The following MEF2A variants were observed in gnomAD, a reference collection of about 807,000 sequenced individuals.
MEF2A encodes the protein myocyte enhancer factor 2A.
MEF2A carries 28 observed loss-of-function variants against 55.8 expected under a neutral mutation model. The ratio of observed to expected loss-of-function variants is 0.50; its 90% CI spans 0.37 to 0.69. The LOEUF (loss-of-function observed/expected upper bound fraction) is 0.69. MEF2A is among the 30% of genes least tolerant of loss of function. MEF2A has a pLI of 0.00. For synonymous variants in MEF2A, 239 were observed against 227.1 expected (o/e 1.05, Z -0.47); for missense variants, 528 against 626.2 (o/e 0.84, Z 1.67).
chr15:99,624,700 T>G (rs2041788437), intron 2 of MEF2A, among the ~76,000 whole-genome samples: 4 of 152,214 alleles, frequency 2.6e-5, no homozygotes, highest in Admixed American at 2.0e-4. Flanking sequence ...TTTCTATTTC[T>G]GCAAAAATAC....
chr15:99,714,258 T>C lies in MEF2A; in HGVS notation c.*1487T>C, dbSNP rs964679418. On this transcript the variant is annotated 3_prime_UTR_variant, in exon 12 of 12. Transcript: ENST00000557942. ...GATTTTGTAAGGCATTATTTAAAAC[T>C]TGCCTTTTGTGAGGAAAAAATGTAG... 2.0e-5 allele frequency: 3 copies of C among 152,218 alleles called. No individual in the cohort carries two copies. Among genetic ancestry groups the C allele is most frequent in the Non-Finnish European group, 4.4e-5 (3 of 68,038 alleles). 9.4% of individuals were successfully genotyped at this position (152,218 alleles called of 1,614,324 possible). A position where few individuals can be genotyped will look rare whatever the true frequency, so the allele number is the denominator to read the frequency against.
chr15:99,646,304 T>A (rs1374716314), intron 4 of MEF2A, among the ~76,000 whole-genome samples: 3 of 152,130 alleles, frequency 2.0e-5, no homozygotes, highest in African/African-American at 7.2e-5. Flanking sequence ...AGAAAAGGAT[T>A]TATTATTAGA....
intron 3 of MEF2A, among the ~76,000 whole-genome samples, chr15:99,636,543 C>T (rs369108399): frequency 3.3e-5 from 5 of 152,030 alleles, no homozygotes; most frequent in East Asian, 3.9e-4. Context: ...GATGGTGTCT[C>T]GCCTAGACTG....
chr15:99,573,109 A>T (rs192019962), intron 1 of MEF2A, among the ~76,000 whole-genome samples: 367 of 152,234 alleles, frequency 2.4e-3, no homozygotes, highest in Non-Finnish European at 2.4e-3. Context: ...TAACACAGTG[A>T]AACCCCATCT....
intron 4 of MEF2A, among the ~76,000 whole-genome samples, chr15:99,657,990 T>C (rs886948864): frequency 6.6e-6 from 1 of 152,154 alleles, no homozygotes; most frequent in Non-Finnish European, 1.5e-5. Context: ...AAAGTCACCT[T>C]ATTCTGTGTA....
At chr15:99,623,773 A>G (rs1204359739) in intron 2 of MEF2A, among the ~76,000 whole-genome samples, 1 of 146,414 alleles carries the variant, frequency 6.8e-6, no homozygotes, top group Non-Finnish European at 1.5e-5. Context: ...TATATTCTGG[A>G]TATTAATCTT....
In MEF2A at chr15:99,690,775, G is replaced by A. The variant is rs889743446; in HGVS notation, c.858+347G>A. ...ATTGGTCTTGTGGAGATAGAGAATAGAATGATAGCAGAGGCTGGGAAGGGT... is the reference window on the plus strand; with the variant it reads ...ATTGGTCTTGTGGAGATAGAGAATAAAATGATAGCAGAGGCTGGGAAGGGT... On this transcript the variant is annotated intron_variant, in intron 8 of 11. Transcript: ENST00000557942. 9.7e-6 allele frequency: 4 copies of A among 413,456 alleles called. No individual in the cohort carries two copies. In the Admixed American group the frequency reaches 1.2e-4, roughly 13 times the overall value. 25.6% of individuals were successfully genotyped at this position (413,456 alleles called of 1,614,324 possible). A position where few individuals can be genotyped will look rare whatever the true frequency, so the allele number is the denominator to read the frequency against.
intron 4 of MEF2A, among the ~76,000 whole-genome samples, chr15:99,649,372 G>A (rs896595324): frequency 2.0e-5 from 3 of 152,040 alleles, no homozygotes; most frequent in African/African-American, 7.2e-5. Context: ...TGTTTAAAAT[G>A]TTTCCACACT....
intron 4 of MEF2A, among the ~76,000 whole-genome samples, chr15:99,651,240 A>G (rs2046802715): frequency 6.6e-6 from 1 of 152,140 alleles, no homozygotes; most frequent in Non-Finnish European, 1.5e-5. Context: ...TCGGAGGTGG[A>G]ATCTGGCTCT....
At chr15:99,653,784 T>C (rs1991921) in intron 4 of MEF2A, among the ~76,000 whole-genome samples, 55,961 of 152,000 alleles carry the variant, frequency 0.37, 12,656 homozygotes, top group Non-Finnish European at 0.5. Context: ...AGCTTTATTA[T>C]GCACGTTGGA....
At chr15:99,623,923 T>C (rs1012404120) in intron 2 of MEF2A, among the ~76,000 whole-genome samples, 2 of 151,420 alleles carry the variant, frequency 1.3e-5, no homozygotes, top group Non-Finnish European at 2.9e-5. Flanking sequence ...TTCTACTGCC[T>C]CAGCCTCCCA....
intron 4 of MEF2A, among the ~76,000 whole-genome samples, chr15:99,669,264 GAAATATCAGAGATTTAGGACTAGAA>G (rs1842812510): frequency 6.6e-6 from 1 of 152,176 alleles, no homozygotes; most frequent in African/African-American, 2.4e-5. Context: ...AAATTGAGGG[GAAATATCAGAGATTTAGGACTAGAA>G]TAAGTCAACA....
At chr15:99,567,757 T>C (rs555835527) in intron 1 of MEF2A, among the ~76,000 whole-genome samples, 3 of 152,266 alleles carry the variant, frequency 2.0e-5, no homozygotes, top group Non-Finnish European at 4.4e-5. Flanking sequence ...GATGCTGATT[T>C]AGATTAGTTT....
chr15:99,584,516 G>T (rs1966811292), intron 1 of MEF2A, among the ~76,000 whole-genome samples: 1 of 152,194 alleles, frequency 6.6e-6, no homozygotes, highest in African/African-American at 2.4e-5. Context: ...GGAATGAAGT[G>T]TAGATATGTG....
chr15:99,640,631 A>G (rs1596699409), intron 3 of MEF2A, among the ~76,000 whole-genome samples: 1 of 146,336 alleles, frequency 6.8e-6, no homozygotes, highest in African/African-American at 2.6e-5. Flanking sequence ...ATCATGGCTC[A>G]CTGCAGCCTT....
rs1691915442 is a variant in MEF2A at position 99,715,453 on chromosome 15, T to C, written c.*2682T>C. On this transcript the variant is annotated 3_prime_UTR_variant, in exon 12 of 12. Transcript: ENST00000557942. ...TTAAATTACACTGACCAAGTAACAATGTATTCCATTTCAGGAACTGAATAT... is the reference window on the plus strand; with the variant it reads ...TTAAATTACACTGACCAAGTAACAACGTATTCCATTTCAGGAACTGAATAT... 1 of 152,230 alleles carries C rather than the reference T, an allele frequency of 6.6e-6. No individual in the cohort carries two copies. The highest frequency in any genetic ancestry group is 2.1e-4 in the South Asian group (1 of 4,836). The allele number at this position is 152,230 out of a possible 1,614,324, so 9.4% of individuals were successfully genotyped here.
chr15:99,708,783 C>A (rs552761500), intron 10 of MEF2A, among the ~76,000 whole-genome samples: 3 of 152,118 alleles, frequency 2.0e-5, no homozygotes, highest in African/African-American at 4.8e-5. Flanking sequence ...TGTCTCAGCT[C>A]GGACAGGAAG....
At chr15:99,658,470 G>T (rs1275701672) in intron 4 of MEF2A, among the ~76,000 whole-genome samples, 1 of 152,104 alleles carries the variant, frequency 6.6e-6, no homozygotes, top group African/African-American at 2.4e-5. Flanking sequence ...TGCTTAATTG[G>T]CATTGTAGAA....
At chr15:99,688,790 G>C (rs2054809916) in intron 7 of MEF2A, among the ~76,000 whole-genome samples, 4 of 152,096 alleles carry the variant, frequency 2.6e-5, no homozygotes, top group Admixed American at 2.0e-4. Context: ...AAAATAAAAT[G>C]CTTCCTCAGG....
Sources: gnomAD v4.1 joint callset for allele counts (sites outside exome capture counted in the v4.1 genomes callset) on GRCh38, gnomAD v4.1.1 for gene constraint, MANE v1.5 for transcripts, NCBI Gene and HGNC (gene_info 2026-07-23, HGNC 2026-07-21) for gene names.